The following KCNK9 variants were observed in gnomAD, a reference collection of about 807,000 sequenced individuals.
KCNK9 encodes the protein potassium channel subfamily K member 9.
Under a neutral mutation model 10.8 loss-of-function variants are expected in KCNK9, and 1 was observed. The ratio of observed to expected loss-of-function variants is 0.09; its 90% confidence interval spans 0.03 to 0.44. The LOEUF (loss-of-function observed/expected upper bound fraction) is 0.44, where lower values mean the gene tolerates loss of function less well. KCNK9 is among the 20% of genes least tolerant of loss of function. The pLI, the probability that KCNK9 is intolerant of heterozygous loss-of-function variation, is 0.97. For missense variants in KCNK9, 303 were observed against 515.0 expected (o/e 0.59, Z 3.98); for synonymous variants, 231 against 222.7 (o/e 1.04, Z -0.33).
chr8:139,687,442 A>ATGTGTACACATATATATTCATATATATG (rs1323307958), intron 1 of KCNK9, among the ~76,000 whole-genome samples: 1 of 144,094 alleles, frequency 6.9e-6, no homozygotes. Context: ...ATTCATATAT[A>ATGTGTACACATATATATTCATATATATG]TGTATACACA....
chr8:139,679,820 ACC>A (rs1816644841), intron 1 of KCNK9, among the ~76,000 whole-genome samples: 1 of 151,970 alleles, frequency 6.6e-6, no homozygotes, highest in Non-Finnish European at 1.5e-5. Flanking sequence ...TGTTTATGTC[ACC>A]CGCCCTTCCT....
chr8:139,700,250 G>A (rs1181854924), intron 1 of KCNK9, among the ~76,000 whole-genome samples: 2 of 152,166 alleles, frequency 1.3e-5, no homozygotes, highest in African/African-American at 2.4e-5. Context: ...CCTGGCAGCT[G>A]CAGCCCGCGG....
At chr8:139,612,116 C>T (rs1459443961), downstream of KCNK9, 1 of 152,258 alleles carries the variant, frequency 6.6e-6, no homozygotes, top group Non-Finnish European at 1.5e-5. Flanking sequence ...GTGTGAGATG[C>T]TCTGTCTCCA....
chr8:139,700,504 A>G (rs567514314), intron 1 of KCNK9, among the ~76,000 whole-genome samples: 4 of 135,314 alleles, frequency 3.0e-5, no homozygotes, highest in African/African-American at 1.3e-4. Flanking sequence ...ACACACACAC[A>G]CACACGCGCG....
At chr8:139,676,569 C>A (rs1188728791) in intron 1 of KCNK9, among the ~76,000 whole-genome samples, 2 of 152,228 alleles carry the variant, frequency 1.3e-5, no homozygotes, top group Non-Finnish European at 2.9e-5. Context: ...AGGAGGCACT[C>A]CCTATGTGTA....
At chr8:139,631,572 C>T (rs1347088715) in intron 1 of KCNK9, among the ~76,000 whole-genome samples, 1 of 152,174 alleles carries the variant, frequency 6.6e-6, no homozygotes, top group African/African-American at 2.4e-5. Context: ...CCGCCTCCAC[C>T]CCTTTCCAGC....
intron 1 of KCNK9, among the ~76,000 whole-genome samples, chr8:139,644,331 G>A (rs1303427321): frequency 6.6e-6 from 1 of 152,168 alleles, no homozygotes; most frequent in Non-Finnish European, 1.5e-5. Flanking sequence ...CTTCCAGCGG[G>A]CTCCCATTTT....
In KCNK9 at chr8:139,619,008, G is replaced by A. The variant is rs144282162; in HGVS notation, c.375C>T (p.Phe125=). ...VLGIPLTLVM[F]QSLGERMNTF... ...TGTTCATGCGCTCGCCCAGGCTCTG[G>A]AACATGACCAGTGTCAGCGGGATGC... is the stretch of plus-strand genomic sequence containing the variant. Residue 125 remains phenylalanine (F), a synonymous_variant, in exon 2 of 2, where the codon TTC becomes TTT. Transcript: ENST00000520439. 6.6e-4 allele frequency: 1,070 copies of A among 1,614,232 alleles called. 1 individual carries two copies. Among genetic ancestry groups the A allele is most frequent in the Middle Eastern group, 1.3e-3 (8 of 6,062 alleles).
At position 139,618,741 on chromosome 8, in the gene KCNK9, C is replaced by T. The variant is rs1433397633; in HGVS notation, c.642G>A (p.Leu214=). ...DYVALQTKGA[L]QKKPLYVAFS... is the part of the protein sequence containing the mutation. Reference sequence around the variant, plus strand: ...AGGCCACGTAGAGCGGCTTCTTCTGCAGGGCACCCTTGGTCTGCAGGGCCA... The same window carrying T: ...AGGCCACGTAGAGCGGCTTCTTCTGTAGGGCACCCTTGGTCTGCAGGGCCA... The change falls in exon 2 of 2, where the codon CTG becomes CTA. Residue 214 remains leucine (L), a synonymous_variant. Transcript: ENST00000520439. This position sits in a 1 kb window ranked among gnomAD's most constrained non-coding sequence, Gnocchi z 7.9. 6.2e-7 allele frequency: 1 copy of T among 1,614,182 alleles called. No individual in the cohort carries two copies.
At chr8:139,641,640 C>G (rs974153104) in intron 1 of KCNK9, among the ~76,000 whole-genome samples, 3 of 147,542 alleles carry the variant, frequency 2.0e-5, no homozygotes, top group East Asian at 2.0e-4. Flanking sequence ...GCCCCCCCCC[C>G]GCACTTTCTG....
chr8:139,702,772 G>C lies in KCNK9; in HGVS notation c.221C>G (p.Ala74Gly), dbSNP rs1396367486. The change falls in exon 1 of 2, where the codon GCC (alanine) becomes GGC (glycine). Residue 74 changes from alanine (A) to glycine (G), a missense_variant. Physicochemically the swap from Ala to Gly is moderately conservative, Grantham distance 60 (BLOSUM62 0). This residue lies in a region of KCNK9 where 58 missense variants were observed against 102.4 expected (regional missense o/e 0.57). Transcript: ENST00000520439. This position sits in a 1 kb window ranked among gnomAD's most constrained non-coding sequence, Gnocchi z 7.5. ...LVILQSEPHR[A>G]GVQWKFAGSF... Reference sequence around the variant, plus strand: ...GCCGGCGAATTTCCACTGGACGCCGGCGCGGTGCGGTTCCGACTGCAGGAT... The same window carrying C: ...GCCGGCGAATTTCCACTGGACGCCGCCGCGGTGCGGTTCCGACTGCAGGAT... The C allele has an allele frequency of 6.2e-7, 1 of 1,613,600 alleles. No homozygotes were observed. Among genetic ancestry groups the C allele is most frequent in the Non-Finnish European group, 8.5e-7 (1 of 1,179,896 alleles).
At chr8:139,673,417 A>G (rs1362105587) in intron 1 of KCNK9, among the ~76,000 whole-genome samples, 3 of 152,248 alleles carry the variant, frequency 2.0e-5, no homozygotes, top group Admixed American at 2.0e-4. Context: ...TGCCAGGCCT[A>G]TGCCAGGAAT....
At chr8:139,700,925 G>A (rs1817204464) in intron 1 of KCNK9, among the ~76,000 whole-genome samples, 1 of 152,162 alleles carries the variant, frequency 6.6e-6, no homozygotes, top group Non-Finnish European at 1.5e-5. Context: ...GATCAGCCAA[G>A]CATTTTATGT....
chr8:139,694,250 C>T (rs1413124979), intron 1 of KCNK9, among the ~76,000 whole-genome samples: 1 of 152,158 alleles, frequency 6.6e-6, no homozygotes, highest in Admixed American at 6.5e-5. Context: ...AGGTGACTGT[C>T]CCCTAATGAG....
chr8:139,619,127 G>C, intron 1 of KCNK9, 28 bp from the exon 2 acceptor site: 1 of 1,612,576 alleles, frequency 6.2e-7, no homozygotes, highest in South Asian at 1.1e-5. Flanking sequence ...GAAGAACAGA[G>C]AGAGCAAGTG....
At chr8:139,687,492 A>T (rs1204675331) in intron 1 of KCNK9, among the ~76,000 whole-genome samples, 1,003 of 34,266 alleles carry the variant, frequency 0.029, 307 homozygotes, top group African/African-American at 0.033. Flanking sequence ...ACATATATAC[A>T]CATATATACA....
At chr8:139,670,227 C>T (rs527778755) in intron 1 of KCNK9, among the ~76,000 whole-genome samples, 1 of 152,144 alleles carries the variant, frequency 6.6e-6, no homozygotes, top group African/African-American at 2.4e-5. Context: ...CCTGGTGCCC[C>T]CAGACAATTA....
intron 1 of KCNK9, among the ~76,000 whole-genome samples, chr8:139,658,518 T>C (rs976656178): frequency 6.6e-6 from 1 of 152,176 alleles, no homozygotes; most frequent in Admixed American, 6.5e-5. Flanking sequence ...GGTACCCTTT[T>C]CCTTTTCCGC....
chr8:139,658,325 A>C (rs1182020532), intron 1 of KCNK9, among the ~76,000 whole-genome samples: 2 of 152,116 alleles, frequency 1.3e-5, no homozygotes, highest in African/African-American at 4.8e-5. Flanking sequence ...ACTGCTGGAA[A>C]AGCTGAGCAG....
Sources: gnomAD v4.1 joint callset for allele counts (sites outside exome capture counted in the v4.1 genomes callset) on GRCh38, gnomAD v4.1.1 for gene constraint, gnomAD v4.1.1 regional missense constraint, Gnocchi (gnomAD v3.1) non-coding constraint, MANE v1.5 for transcripts, NCBI Gene and HGNC (gene_info 2026-07-23, HGNC 2026-07-21) for gene names.